Variants in KTN1 observed in about 807,000 individuals in gnomAD.
KTN1 encodes kinectin.
In KTN1, 130 loss-of-function variants were observed where a neutral mutation model predicts 222.5. The observed-to-expected ratio is 0.58, with a 90% confidence interval of 0.51 to 0.68. The LOEUF is 0.68. KTN1 is among the 30% of genes least tolerant of loss of function. The pLI, the probability that KTN1 is intolerant of heterozygous loss-of-function variation, is 0.00. For synonymous variants in KTN1, 512 were observed against 496.3 expected (o/e 1.03, Z -0.42); for missense variants, 1,508 against 1,500.4 (o/e 1.01, Z -0.08).
chr14:55,611,984 T>G, intron 1 of KTN1, 35 bp from the exon 2 acceptor site: 7 of 913,266 alleles, frequency 7.7e-6, no homozygotes, highest in Middle Eastern at 3.1e-4. Flanking sequence ...ACAGGTTCTT[T>G]TTTTTTTTTT....
At chr14:55,644,403 G>A in intron 18 of KTN1, 1 of 702,428 alleles carries the variant, frequency 1.4e-6, no homozygotes, top group Non-Finnish European at 2.6e-6. Context: ...CCAAGTTGTT[G>A]TTTCTTCAGG....
intron 28 of KTN1, among the ~76,000 whole-genome samples, chr14:55,654,173 G>T (rs1189098392): frequency 6.6e-6 from 1 of 152,098 alleles, no homozygotes; most frequent in Non-Finnish European, 1.5e-5. Flanking sequence ...GGTACAGCAG[G>T]TTACAATGGT....
rs2042956880 is a variant in KTN1 at position 55,651,828 on chromosome 14, TA to T, written c.2566-59del. The stretch of plus-strand genomic sequence containing the variant: ...GAAGTGTACACATTATAAAGACTTA[TA>T]AAGCTTAATAAGTTAAATTGAAAGG... On this transcript the variant is annotated intron_variant, in intron 24 of 43. Coordinates refer to ENST00000395314, the MANE Select transcript of KTN1 (RefSeq NM_001079521.2). 4 of 1,079,870 alleles carry T rather than the reference TA, an allele frequency of 3.7e-6. No homozygotes were observed. In the South Asian group the frequency reaches 5.5e-5, roughly 15 times the overall value. 66.9% of individuals were successfully genotyped at this position (1,079,870 alleles called of 1,614,324 possible).
At chr14:55,589,970 T>G (rs1037525628) in intron 1 of KTN1, among the ~76,000 whole-genome samples, 2 of 152,108 alleles carry the variant, frequency 1.3e-5, no homozygotes, top group Non-Finnish European at 2.9e-5. Flanking sequence ...TTTATCTGAT[T>G]TCTTAAGGTA....
chr14:55,601,169 T>C (rs1419673244), intron 1 of KTN1, among the ~76,000 whole-genome samples: 2 of 152,248 alleles, frequency 1.3e-5, no homozygotes, highest in East Asian at 3.8e-4. Context: ...TCATTACTCA[T>C]TTCTGGCATT....
Position 55,653,748 on chromosome 14 carries a change from G to C in KTN1, c.2801+152G>C, listed in dbSNP as rs1395652993. 1.5e-5 allele frequency: 8 copies of C among 550,428 alleles called. No individual in the cohort carries two copies. In the East Asian group the frequency reaches 2.5e-4, roughly 17 times the overall value. 34.1% of individuals were successfully genotyped at this position (550,428 alleles called of 1,614,324 possible). A position where few individuals can be genotyped will look rare whatever the true frequency, so the allele number is the denominator to read the frequency against. ...CCAGACGCAAATAGGCTAAGTCTCT[G>C]TTGGGTAAAATAAAGGTTATTTAAA... On this transcript the variant is annotated intron_variant, in intron 28 of 43. Coordinates refer to ENST00000395314, the MANE Select transcript of KTN1 (RefSeq NM_001079521.2).
chr14:55,679,363 T>G, intron 42 of KTN1: 2 of 442,236 alleles, frequency 4.5e-6, no homozygotes, highest in Non-Finnish European at 4.0e-6. Context: ...ATAACATAGT[T>G]TTCTTTGGTG....
chr14:55,651,732 A>G, intron 24 of KTN1, 158 bp from the exon 25 acceptor site: 1 of 558,222 alleles, frequency 1.8e-6, no homozygotes, highest in South Asian at 2.7e-5. Context: ...CTGTTATTGG[A>G]GTCAAGAGGA....
chr14:55,597,482 T>C (rs1306250508), intron 1 of KTN1, among the ~76,000 whole-genome samples: 2 of 152,240 alleles, frequency 1.3e-5, no homozygotes, highest in Non-Finnish European at 2.9e-5. Flanking sequence ...TTTTGCTGTT[T>C]GCGTAGATGT....
chr14:55,593,797 C>T (rs2034568298), intron 1 of KTN1, among the ~76,000 whole-genome samples: 1 of 151,632 alleles, frequency 6.6e-6, no homozygotes, highest in Non-Finnish European at 1.5e-5. Flanking sequence ...TCTGGATTTG[C>T]AGTGTCATTG....
intron 42 of KTN1, 42 bp from the exon 43 acceptor site, chr14:55,679,523 C>A: frequency 6.6e-7 from 1 of 1,521,556 alleles, no homozygotes; most frequent in Non-Finnish European, 8.9e-7. Context: ...CATTTCTTTT[C>A]CTTGTGTATG....
At chr14:55,681,042 G>T (rs1320894776) in intron 43 of KTN1, 16 of 200,582 alleles carry the variant, frequency 8.0e-5, no homozygotes, top group Non-Finnish European at 1.4e-4. Context: ...CTTCCTTCAG[G>T]TTACCACCCT....
chr14:55,637,244 G>C lies in KTN1; in HGVS notation c.1596G>C (p.Leu532=). 6.2e-7 allele frequency: 1 copy of C among 1,610,690 alleles called. No individual in the cohort carries two copies. Among genetic ancestry groups the C allele is most frequent in the Non-Finnish European group, 8.5e-7 (1 of 1,177,770 alleles). ...FVAKENEVQS[L]HSKLTDTLVS... is the part of the protein sequence containing the mutation. ...CCAAAGAAAATGAAGTACAGAGTCT[G>C]CATAGTAAGCTTACAGATACCTTGG... is the stretch of plus-strand genomic sequence containing the variant. The change falls in exon 11 of 44, where the codon CTG becomes CTC. Residue 532 remains leucine, a synonymous_variant. Coordinates refer to ENST00000395314, the MANE Select transcript of KTN1 (RefSeq NM_001079521.2).
intron 29 of KTN1, among the ~76,000 whole-genome samples, chr14:55,657,551 G>A (rs1194856654): frequency 2.6e-5 from 4 of 151,846 alleles, no homozygotes; most frequent in Admixed American, 6.6e-5. Flanking sequence ...AAACTTTTAT[G>A]TACTCAAATA....
In KTN1 at chr14:55,662,421, T is replaced by G. The variant is rs1353522887; in HGVS notation, c.3090+809T>G. On this transcript the variant is annotated intron_variant, in intron 32 of 43. Coordinates refer to ENST00000395314, the MANE Select transcript of KTN1 (RefSeq NM_001079521.2). ...TGGTTCAAATTTTGGTAATTAAGTG[T>G]GTTAGAGGCTTTAGAACCTGACTAC... is the stretch of plus-strand genomic sequence containing the variant. 2.0e-5 allele frequency among the ~76,000 whole-genome samples: 3 copies of G among 152,228 alleles called. No individual in the cohort carries two copies. In the East Asian group the frequency reaches 5.8e-4, roughly 29 times the overall value.
intron 33 of KTN1, among the ~76,000 whole-genome samples, chr14:55,665,824 A>G (rs2044674840): frequency 6.6e-6 from 1 of 152,070 alleles, no homozygotes. Context: ...GTGTCAGATG[A>G]AAACTACTTA....
intron 5 of KTN1, among the ~76,000 whole-genome samples, chr14:55,623,491 C>T (rs994224812): frequency 3.3e-5 from 5 of 152,212 alleles, no homozygotes; most frequent in African/African-American, 1.2e-4. Context: ...GCGATCCCTC[C>T]ATCTCACCCT....
intron 1 of KTN1, among the ~76,000 whole-genome samples, chr14:55,586,985 T>C (rs1212223495): frequency 6.6e-6 from 1 of 152,194 alleles, no homozygotes; most frequent in African/African-American, 2.4e-5. Flanking sequence ...CTCCCTATTC[T>C]TTGTCACAGC....
intron 23 of KTN1, 53 bp from the exon 24 acceptor site, chr14:55,650,516 T>G (rs1204494634): frequency 6.5e-7 from 1 of 1,528,494 alleles, no homozygotes; most frequent in Non-Finnish European, 9.0e-7. Context: ...TTGCATTTTA[T>G]GTCAATTTCT....
Sources: allele counts gnomAD v4.1 joint callset (sites outside exome capture counted in the v4.1 genomes callset), GRCh38; gene constraint gnomAD v4.1.1; transcripts MANE v1.5; gene names NCBI Gene and HGNC (gene_info 2026-07-23, HGNC 2026-07-21).